Variants in KCNQ1 observed in about 807,000 individuals in gnomAD.
KCNQ1 encodes the protein potassium voltage-gated channel subfamily KQT member 1.
Under a neutral mutation model 72.4 loss-of-function variants are expected in KCNQ1, and 49 were observed. The ratio of observed to expected loss-of-function variants is 0.68; its 90% CI spans 0.54 to 0.86. The LOEUF (loss-of-function observed/expected upper bound fraction) is 0.86. Among genes scored for constraint, KCNQ1 ranks in the 40% least tolerant of loss-of-function variants. KCNQ1 has a pLI of 0.00. For synonymous variants in KCNQ1, 450 were observed against 412.6 expected (o/e 1.09, Z -1.10); for missense variants, 790 against 945.1 (o/e 0.84, Z 2.15).
In KCNQ1 at chr11:2,621,267, C is replaced by A; in HGVS notation, c.1393+32413C>A. 1 of 398,372 alleles carries A rather than the reference C, an allele frequency of 2.5e-6. No individual in the cohort carries two copies. Among genetic ancestry groups the A allele is most frequent in the South Asian group, 1.3e-4 (1 of 7,750 alleles). 24.7% of individuals were successfully genotyped at this position (398,372 alleles called of 1,614,324 possible). On this transcript the variant is annotated intron_variant, in intron 10 of 15. Coordinates refer to ENST00000155840, the MANE Select transcript of KCNQ1 (RefSeq NM_000218.3). The surrounding 1 kb of genome is among the most constrained non-coding windows in gnomAD (Gnocchi z 5.7). ...TGCTAGGACTACAGGCATGAGCCAC[C>A]GTGCCTGGCCTCATTATTTGCATTT... is the stretch of plus-strand genomic sequence containing the variant.
rs375823540 is a variant in KCNQ1 at position 2,734,613 on chromosome 11, G to A, written c.1515-34231G>A. ...GGGTGGGGGATAACAGGGGTTTTCC[G>A]AGGCCCTGAAGGACTGGAGAGTAGG... On this transcript the variant is annotated intron_variant, in intron 11 of 15. Coordinates refer to ENST00000155840, the MANE Select transcript of KCNQ1 (RefSeq NM_000218.3). This position sits in a 1 kb window ranked among gnomAD's most constrained non-coding sequence, Gnocchi z 7.0. 1.3e-5 allele frequency among the ~76,000 whole-genome samples: 2 copies of A among 151,928 alleles called. No individual in the cohort carries two copies. The highest frequency in any genetic ancestry group is 1.9e-4 in the East Asian group (1 of 5,160).
chr11:2,665,507 G>A (rs1040863385), intron 11 of KCNQ1: 14 of 394,512 alleles, frequency 3.5e-5, no homozygotes, highest in South Asian at 2.7e-4. Flanking sequence ...TGTGCCTTGC[G>A]TGTGGTAACC....
At chr11:2,660,126 GTCCTGGAGATT>G in intron 10 of KCNQ1, 1 of 398,304 alleles carries the variant, frequency 2.5e-6, no homozygotes, top group East Asian at 3.6e-5. Flanking sequence ...CAAATCCAAG[GTCCTGGAGATT>G]TTCTCTTATG....
intron 15 of KCNQ1, among the ~76,000 whole-genome samples, chr11:2,843,382 A>G (rs544459248): frequency 1.3e-5 from 2 of 152,348 alleles, no homozygotes; most frequent in East Asian, 3.9e-4. Flanking sequence ...CTGGTTCCTC[A>G]GGACAGACAG....
rs1847589266 is a variant in KCNQ1 at position 2,815,148 on chromosome 11, A to G, written c.1795-32619A>G. 6.6e-6 allele frequency among the ~76,000 whole-genome samples: 1 copy of G among 152,070 alleles called. No individual in the cohort carries two copies. Among genetic ancestry groups the G allele is most frequent in the Non-Finnish European group, 1.5e-5 (1 of 68,000 alleles). ...GTGGTCAGTACCAATCCCTCCCCAA[A>G]TTACCCCCATGCTCAGGGTGTCACT... On this transcript the variant is annotated intron_variant, in intron 15 of 15. Coordinates refer to ENST00000155840, the MANE Select transcript of KCNQ1 (RefSeq NM_000218.3). This position sits in a 1 kb window ranked among gnomAD's most constrained non-coding sequence, Gnocchi z 5.4.
intron 2 of KCNQ1, among the ~76,000 whole-genome samples, chr11:2,539,601 G>C (rs939159826): frequency 1.3e-5 from 2 of 152,226 alleles, no homozygotes; most frequent in Non-Finnish European, 2.9e-5. Flanking sequence ...CCTGGGTCTG[G>C]TTGGAAGTTG....
rs2134067163 is a variant in KCNQ1 at position 2,830,044 on chromosome 11, AAGGAGGAGGG to A, written c.1795-17716_1795-17707del. Among the ~76,000 whole-genome samples, 1 of 110,564 alleles carries A rather than the reference AAGGAGGAGGG, an allele frequency of 9.0e-6. No homozygotes were observed. The highest frequency in any genetic ancestry group is 3.2e-5 in the African/African-American group (1 of 31,190). 72.5% of individuals were successfully genotyped at this position (110,564 alleles called of 152,430 possible). On this transcript the variant is annotated intron_variant, in intron 15 of 15. Coordinates refer to ENST00000155840, the MANE Select transcript of KCNQ1 (RefSeq NM_000218.3). This position sits in a 1 kb window ranked among gnomAD's most constrained non-coding sequence, Gnocchi z 7.7. Reference sequence around the variant, plus strand: ...GGAGGAGGAAGGAGGAGGGAGGAGGAAGGAGGAGGGAGGAGGGAGGAAGAGAGAGAAGGAA... The same window carrying A: ...GGAGGAGGAAGGAGGAGGGAGGAGGAAGGAGGGAGGAAGAGAGAGAAGGAA...
rs374718363 is a variant in KCNQ1, at chr11:2,471,852, G to A, written c.386+26368G>A. Among the ~76,000 whole-genome samples, 1 of 151,798 alleles carries A rather than the reference G, an allele frequency of 6.6e-6. No individual in the cohort carries two copies. The highest frequency in any genetic ancestry group is 2.4e-5 in the African/African-American group (1 of 41,236). The stretch of plus-strand genomic sequence containing the variant: ...TGCGTGTGCACCTATGTGTGTATAG[G>A]TGTGTGTGTTTATGTATGGGTGTGT... On this transcript the variant is annotated intron_variant, in intron 1 of 15. Coordinates refer to ENST00000155840, the MANE Select transcript of KCNQ1 (RefSeq NM_000218.3). This position sits in a 1 kb window ranked among gnomAD's most constrained non-coding sequence, Gnocchi z 4.8.
chr11:2,828,782 C>A lies in KCNQ1; in HGVS notation c.1795-18985C>A, dbSNP rs1847888523. Among the ~76,000 whole-genome samples, 1 of 152,190 alleles carries A rather than the reference C, an allele frequency of 6.6e-6. No individual in the cohort carries two copies. Among genetic ancestry groups the A allele is most frequent in the African/African-American group, 2.4e-5 (1 of 41,414 alleles). On this transcript the variant is annotated intron_variant, in intron 15 of 15. Coordinates refer to ENST00000155840, the MANE Select transcript of KCNQ1 (RefSeq NM_000218.3). This position sits in a 1 kb window ranked among gnomAD's most constrained non-coding sequence, Gnocchi z 5.3. ...TCAAGCTAAAAAGGAAGACCTCCTC[C>A]CCCACTTCCCTCATCAACTCCCAGA...
Position 2,570,748 on chromosome 11 carries a change from A to G in KCNQ1, c.598A>G (p.Ile200Val). The G allele has an allele frequency of 6.2e-7, 1 of 1,610,832 alleles. No homozygotes were observed. Among genetic ancestry groups the G allele is most frequent in the Non-Finnish European group, 8.5e-7 (1 of 1,179,966 alleles). ...RLRFARKPIS[I>V]IDLIVVVASM... ...GCGCTTTGCCCGGAAGCCCATTTCC[A>G]TCATCGGTGAGTCATGCCTGCCCTG... The change falls in exon 3 of 16, where the codon ATC becomes GTC. Residue 200 changes from isoleucine to valine, a missense_variant. Ile to Val is a conservative substitution (Grantham distance 29). Transcript: ENST00000155840.
chr11:2,780,360 G>A lies in KCNQ1; in HGVS notation c.1794+2323G>A, dbSNP rs368679566. Among the ~76,000 whole-genome samples the A allele has an allele frequency of 7.9e-5, 12 of 152,176 alleles. No homozygotes were observed. The East Asian group carries it at 1.2e-3, about 15-fold the overall frequency. Reference sequence around the variant, plus strand: ...CATCGGGACCGTAAATACCCCAAGCGCAATCCTGCTGACTTCGGGAAGTAG... The same window carrying A: ...CATCGGGACCGTAAATACCCCAAGCACAATCCTGCTGACTTCGGGAAGTAG... On this transcript the variant is annotated intron_variant, in intron 15 of 15. Transcript: ENST00000155840.
At chr11:2,749,641 C>CAA (rs35701102) in intron 11 of KCNQ1, among the ~76,000 whole-genome samples, 2,640 of 87,008 alleles carry the variant, frequency 0.03, 94 homozygotes, top group African/African-American at 0.087. Flanking sequence ...ACTAAAAATA[C>CAA]AAAAAAAAAA....
rs1039209698 is a variant in KCNQ1, at chr11:2,592,220, A to G, written c.1393+3366A>G. The stretch of plus-strand genomic sequence containing the variant: ...TGTGCGGTGTTGGCCCCATTTATAG[A>G]TGGAGAAACGGAAGGCCAGGGCCAT... On this transcript the variant is annotated intron_variant, in intron 10 of 15. Transcript: ENST00000155840. This position sits in a 1 kb window ranked among gnomAD's most constrained non-coding sequence, Gnocchi z 5.2. 2.6e-5 allele frequency among the ~76,000 whole-genome samples: 4 copies of G among 152,160 alleles called. No homozygotes were observed. The highest frequency in any genetic ancestry group is 4.4e-5 in the Non-Finnish European group (3 of 68,022).
intron 2 of KCNQ1, among the ~76,000 whole-genome samples, chr11:2,533,549 G>A (rs1298352063): frequency 6.6e-6 from 1 of 152,274 alleles, no homozygotes; most frequent in African/African-American, 2.4e-5. Flanking sequence ...ACGTGTGCAT[G>A]TGTGCACTCA....
chr11:2,810,712 T>C (rs1847468454), intron 15 of KCNQ1, among the ~76,000 whole-genome samples: 2 of 152,248 alleles, frequency 1.3e-5, no homozygotes, highest in South Asian at 4.1e-4. Flanking sequence ...CTGAATGTTT[T>C]TCAATGTTTG....
rs902326343 is a variant in KCNQ1, at chr11:2,468,098, C to A, written c.386+22614C>A. Among the ~76,000 whole-genome samples, 1 of 152,270 alleles carries A rather than the reference C, an allele frequency of 6.6e-6. No homozygotes were observed. Among genetic ancestry groups the A allele is most frequent in the African/African-American group, 2.4e-5 (1 of 41,476 alleles). On this transcript the variant is annotated intron_variant, in intron 1 of 15. Coordinates refer to ENST00000155840, the MANE Select transcript of KCNQ1 (RefSeq NM_000218.3). The surrounding 1 kb of genome is among the most constrained non-coding windows in gnomAD (Gnocchi z 5.7). ...AGACTGTGCCCGGAAAATGCACTGTCTCTCCTGGGCTCCCAACCTTTCACA... is the reference window on the plus strand; with the variant it reads ...AGACTGTGCCCGGAAAATGCACTGTATCTCCTGGGCTCCCAACCTTTCACA...
In KCNQ1 at chr11:2,777,151, A is replaced by T. The variant is rs572486172; in HGVS notation, c.1732+119A>T. ...GGCCATTGCACCTCCAAAGTGCATGACATGAAATGAAAGCCAGGGAGTAAG... is the reference window on the plus strand; with the variant it reads ...GGCCATTGCACCTCCAAAGTGCATGTCATGAAATGAAAGCCAGGGAGTAAG... On this transcript the variant is annotated intron_variant, in intron 14 of 15. Transcript: ENST00000155840. 31 of 998,494 alleles carry T rather than the reference A, an allele frequency of 3.1e-5. No homozygotes were observed. The African/African-American group carries it at 4.5e-4, about 14-fold the overall frequency. The allele number at this position is 998,494 out of a possible 1,614,324, so 61.9% of individuals were successfully genotyped here.
At chr11:2,548,921 C>G (rs1847938565) in intron 2 of KCNQ1, among the ~76,000 whole-genome samples, 1 of 152,190 alleles carries the variant, frequency 6.6e-6, no homozygotes, top group Non-Finnish European at 1.5e-5. Flanking sequence ...TAAAGGGGCC[C>G]TACTGTCCCC....
At chr11:2,727,409 C>T (rs1178831328) in intron 11 of KCNQ1, among the ~76,000 whole-genome samples, 1 of 152,186 alleles carries the variant, frequency 6.6e-6, no homozygotes, top group Non-Finnish European at 1.5e-5. Context: ...CTGTGTGAGT[C>T]AGGTGTCAGG....
Sources: gnomAD v4.1 joint callset for allele counts (sites outside exome capture counted in the v4.1 genomes callset) on GRCh38, gnomAD v4.1.1 for gene constraint, Gnocchi (gnomAD v3.1) non-coding constraint, MANE v1.5 for transcripts, NCBI Gene and HGNC (gene_info 2026-07-23, HGNC 2026-07-21) for gene names.